SND1: variants seen among roughly 807,000 people sequenced by gnomAD.
SND1 encodes the protein staphylococcal nuclease and tudor domain containing 1.
In SND1, 38 loss-of-function variants were observed where a neutral mutation model predicts 121.7. The observed-to-expected ratio is 0.31, with a 90% CI of 0.24 to 0.41. The LOEUF (loss-of-function observed/expected upper bound fraction) is 0.41, where lower values mean the gene tolerates loss of function less well. Ranked by LOEUF, SND1 falls within the 10% of genes least tolerant of loss-of-function variation. SND1 has a pLI of 1.00. For synonymous variants in SND1, 401 were observed against 447.4 expected (o/e 0.90, Z 1.31); for missense variants, 868 against 1,184.6 (o/e 0.73, Z 3.92).
intron 16 of SND1, among the ~76,000 whole-genome samples, chr7:128,046,037 T>C (rs1792939872): frequency 6.6e-6 from 1 of 152,202 alleles, no homozygotes; most frequent in Non-Finnish European, 1.5e-5. Flanking sequence ...GGGAACTCTT[T>C]TCCTCCACCC....
intron 13 of SND1, 103 bp downstream of exon 13, chr7:127,888,115 G>A: frequency 1.5e-6 from 1 of 645,666 alleles, no homozygotes; most frequent in South Asian, 2.0e-5. Context: ...AAAATAATAT[G>A]CTGAGAAAGC....
intron 16 of SND1, among the ~76,000 whole-genome samples, chr7:128,012,181 C>A (rs1563088433): frequency 6.6e-6 from 1 of 152,146 alleles, no homozygotes; most frequent in Non-Finnish European, 1.5e-5. Flanking sequence ...GATAAGTTTT[C>A]ATGAGTAATC....
chr7:127,700,400 T>A (rs537188782), intron 4 of SND1, among the ~76,000 whole-genome samples: 1 of 152,154 alleles, frequency 6.6e-6, no homozygotes, highest in South Asian at 2.1e-4. Context: ...TGCTTAGGAG[T>A]CCCTCCTGCT....
intron 10 of SND1, among the ~76,000 whole-genome samples, chr7:127,728,613 T>A (rs1197255025): frequency 6.6e-6 from 1 of 152,234 alleles, no homozygotes; most frequent in Non-Finnish European, 1.5e-5. Flanking sequence ...TTTGTGTACA[T>A]CTCTACCTTC....
intron 15 of SND1, among the ~76,000 whole-genome samples, chr7:127,960,849 T>C (rs754906511): frequency 6.6e-6 from 1 of 152,236 alleles, no homozygotes; most frequent in Non-Finnish European, 1.5e-5. Flanking sequence ...AAAACTCAAC[T>C]TCTGTGAGTT....
At chr7:127,956,107 T>G (rs1801586596) in intron 15 of SND1, among the ~76,000 whole-genome samples, 1 of 152,252 alleles carries the variant, frequency 6.6e-6, no homozygotes, top group Admixed American at 6.5e-5. Context: ...CAGTTTAGCA[T>G]ACATGTCTCT....
At chr7:127,691,387 A>G (rs1024246967) in intron 2 of SND1, among the ~76,000 whole-genome samples, 1 of 151,154 alleles carries the variant, frequency 6.6e-6, no homozygotes, top group African/African-American at 2.4e-5. Flanking sequence ...CTAAAAATAC[A>G]AAAAAAATTA....
At chr7:127,985,158 G>A (rs1050934941) in intron 15 of SND1, among the ~76,000 whole-genome samples, 4 of 152,174 alleles carry the variant, frequency 2.6e-5, no homozygotes, top group Non-Finnish European at 5.9e-5. Context: ...TGTGGTGTGC[G>A]GAGAGAACAG....
intron 12 of SND1, among the ~76,000 whole-genome samples, chr7:127,866,436 T>C (rs956326451): frequency 1.3e-5 from 2 of 148,938 alleles, no homozygotes; most frequent in African/African-American, 4.9e-5. Flanking sequence ...CTGAAATAAT[T>C]AAAGGTGTTT....
intron 8 of SND1, among the ~76,000 whole-genome samples, chr7:127,706,273 T>A (rs1796197201): frequency 1.6e-5 from 2 of 125,450 alleles, no homozygotes; most frequent in African/African-American, 6.0e-5. Context: ...ACCTTTTTTT[T>A]TTGAGACGGA....
intron 15 of SND1, among the ~76,000 whole-genome samples, chr7:127,932,920 T>G (rs1800983771): frequency 6.6e-6 from 1 of 152,202 alleles, no homozygotes; most frequent in Non-Finnish European, 1.5e-5. Context: ...ATTGCAGTGG[T>G]CTGGAACTAA....
intron 9 of SND1, among the ~76,000 whole-genome samples, chr7:127,715,110 A>G (rs1269328882): frequency 6.6e-6 from 1 of 150,944 alleles, no homozygotes; most frequent in African/African-American, 2.4e-5. Flanking sequence ...CGAGGGTTCT[A>G]CTTTCTGTAC....
At chr7:127,891,503 G>A (rs188832853) in intron 13 of SND1, among the ~76,000 whole-genome samples, 100 of 152,024 alleles carry the variant, frequency 6.6e-4, no homozygotes, top group Admixed American at 1.5e-3. Flanking sequence ...TGCTGCTTCT[G>A]CCCCTTATCT....
At chr7:127,673,081 C>A (rs1374691658) in intron 1 of SND1, among the ~76,000 whole-genome samples, 1 of 148,322 alleles carries the variant, frequency 6.7e-6, no homozygotes, top group Non-Finnish European at 1.5e-5. Flanking sequence ...TTAACCTGTT[C>A]ATTATTTAGT....
At chr7:127,705,038 A>G in intron 8 of SND1, 93 bp downstream of exon 8, 1 of 1,032,464 alleles carries the variant, frequency 9.7e-7, no homozygotes, top group South Asian at 1.3e-5. Flanking sequence ...CCTGTGTGTC[A>G]GTGTTCATTT....
intron 16 of SND1, among the ~76,000 whole-genome samples, chr7:128,014,921 C>G (rs539231478): frequency 1.6e-4 from 24 of 152,334 alleles, no homozygotes; most frequent in South Asian, 6.2e-4. Flanking sequence ...GAGGCAAGGC[C>G]AGACACCAGT....
At position 128,089,701 on chromosome 7, in the gene SND1, T is replaced by C. The variant is rs766164618; in HGVS notation, c.2622+9T>C. On this transcript the variant is annotated intron_variant, in intron 22 of 23. Coordinates refer to ENST00000354725, the MANE Select transcript of SND1 (RefSeq NM_014390.4). ...AACAGTTCCAGAAAGTGGTATGTGA[T>C]GTGGAGAGGCGGCCCCAGCATTGCG... 10 of 1,613,396 alleles carry C rather than the reference T, an allele frequency of 6.2e-6. No homozygotes were observed. The highest frequency in any genetic ancestry group is 8.5e-6 in the Non-Finnish European group (10 of 1,179,548).
At chr7:127,709,849 A>G (rs1796267594) in intron 9 of SND1, among the ~76,000 whole-genome samples, 1 of 152,214 alleles carries the variant, frequency 6.6e-6, no homozygotes, top group Non-Finnish European at 1.5e-5. Flanking sequence ...GGTAGAGAGA[A>G]ATGGGAAAAG....
chr7:127,723,369 CTT>C lies in SND1; in HGVS notation c.1152+1976_1152+1977del, dbSNP rs56859831. Among the ~76,000 whole-genome samples, 8 of 152,026 alleles carry C rather than the reference CTT, an allele frequency of 5.3e-5. No homozygotes were observed. The East Asian group carries it at 1.5e-3, about 29-fold the overall frequency. On this transcript the variant is annotated intron_variant, in intron 10 of 23. Coordinates refer to ENST00000354725, the MANE Select transcript of SND1 (RefSeq NM_014390.4). ...TTGTCTCTTACAAGGCGTGTTACCT[CTT>C]TTTTTTCTTCTTTTTTCTTTATTCT...
Sources: allele counts gnomAD v4.1 joint callset (sites outside exome capture counted in the v4.1 genomes callset), GRCh38; gene constraint gnomAD v4.1.1; transcripts MANE v1.5; gene names NCBI Gene and HGNC (gene_info 2026-07-23, HGNC 2026-07-21).